Variants in RAPGEF3 observed in about 807,000 individuals in gnomAD.
RAPGEF3 encodes 9330170P05Rik.
In RAPGEF3, 103 loss-of-function variants were observed where a neutral mutation model predicts 129.8. The ratio of observed to expected loss-of-function variants is 0.79; its 90% CI spans 0.68 to 0.93. The LOEUF is 0.93. RAPGEF3 is among the 40% of genes least tolerant of loss of function. RAPGEF3 has a pLI of 0.00. For synonymous variants in RAPGEF3, 436 were observed against 482.6 expected (o/e 0.90, Z 1.26); for missense variants, 1,117 against 1,207.4 (o/e 0.93, Z 1.11).
intron 23 of RAPGEF3, 96 bp from the exon 24 acceptor site, chr12:47,739,326 G>A: frequency 2.1e-6 from 2 of 956,592 alleles, no homozygotes; most frequent in Non-Finnish European, 3.3e-6. Flanking sequence ...TCCCACAGCA[G>A]GTGCAGAGGC....
intron 1 of RAPGEF3, 53 bp downstream of exon 1, chr12:47,758,497 CT>C: frequency 1.3e-6 from 2 of 1,599,262 alleles, no homozygotes; most frequent in Non-Finnish European, 1.7e-6. Context: ...ACCGTGTCAG[CT>C]TCCTCTCCCG....
In RAPGEF3 at chr12:47,737,327, C is replaced by T; in HGVS notation, c.*240G>A. ...CTCTCCACCCACTCCTGGGGCCTCT[C>T]TGTCCTCCCTTCCTTGGCCTTGGGT... On this transcript the variant is annotated 3_prime_UTR_variant, in exon 28 of 28. Transcript: ENST00000449771. 1 of 539,914 alleles carries T rather than the reference C, an allele frequency of 1.9e-6. No individual in the cohort carries two copies. Among genetic ancestry groups the T allele is most frequent in the South Asian group, 2.1e-5 (1 of 47,446 alleles). The allele number at this position is 539,914 out of a possible 1,614,324, so 33.4% of individuals were successfully genotyped here. A position where few individuals can be genotyped will look rare whatever the true frequency, so the allele number is the denominator to read the frequency against.
Position 47,741,046 on chromosome 12 carries a change from G to A in RAPGEF3, c.1924-6C>T, listed in dbSNP as rs540239970. 1.9e-6 allele frequency: 3 copies of A among 1,612,020 alleles called. No individual in the cohort carries two copies. The highest frequency in any genetic ancestry group is 2.2e-5 in the South Asian group (2 of 90,734). On this transcript the variant is annotated splice_polypyrimidine_tract_variant and splice_region_variant and intron_variant, in intron 19 of 27. Transcript: ENST00000449771. ...AGCTGGTCAGGGTGTGGGATCTGCG[G>A]GTGGGAGAGTGCTCAGGGGGCTGCC...
chr12:47,749,711 G>A lies in RAPGEF3; in HGVS notation c.894+30C>T, dbSNP rs1283733554. ...GACCAGGGAGCAGTTAGGACCCAGG[G>A]CACTGGGGTGGGGAGGAGGGAGGGC... On this transcript the variant is annotated intron_variant, in intron 9 of 27. Coordinates refer to ENST00000449771, the MANE Select transcript of RAPGEF3 (RefSeq NM_001098531.4). The surrounding 1 kb of genome is among the most constrained non-coding windows in gnomAD (Gnocchi z 4.5). 1.2e-6 allele frequency: 2 copies of A among 1,612,578 alleles called. No individual in the cohort carries two copies. Among genetic ancestry groups the A allele is most frequent in the African/African-American group, 2.7e-5 (2 of 74,914 alleles).
At position 47,750,352 on chromosome 12, in the gene RAPGEF3, G is replaced by A; in HGVS notation, c.745C>T (p.Leu249Phe). Residue 249 changes from leucine to phenylalanine, a missense_variant, in exon 7 of 28, where the codon CTC becomes TTC. Physicochemically the swap from Leu to Phe is conservative, Grantham distance 22 (BLOSUM62 0). Around this residue, in one of 3 missense-constraint regions of RAPGEF3, gnomAD observed 367 missense variants for 373.4 expected, o/e 0.98. Coordinates refer to ENST00000449771, the MANE Select transcript of RAPGEF3 (RefSeq NM_001098531.4). Reference protein sequence around the residue: ...ELLHIKAVAHLSNSVKRELAA... With the variant: ...ELLHIKAVAHFSNSVKRELAA... ...GGGGCAGGACTGACCGAGTTGGAGA[G>A]GTGGGCCACAGCCTTGATGTGCAGC... The A allele has an allele frequency of 6.2e-7, 1 of 1,613,984 alleles. No individual in the cohort carries two copies. The highest frequency in any genetic ancestry group is 8.5e-7 in the Non-Finnish European group (1 of 1,179,868).
chr12:47,738,577 C>T, intron 25 of RAPGEF3, 113 bp downstream of exon 25: 2 of 970,376 alleles, frequency 2.1e-6, no homozygotes, highest in Non-Finnish European at 3.3e-6. Context: ...AAGTATTCAT[C>T]CTCATATTAT....
intron 2 of RAPGEF3, among the ~76,000 whole-genome samples, chr12:47,757,252 T>G (rs953118520): frequency 6.6e-6 from 1 of 152,272 alleles, no homozygotes; most frequent in Admixed American, 6.5e-5. Context: ...AATCCCACCA[T>G]TCTTTCCCCT....
Position 47,740,135 on chromosome 12 carries a change from A to C in RAPGEF3, c.2373+6T>G, listed in dbSNP as rs780637833. 6.2e-7 allele frequency: 1 copy of C among 1,611,742 alleles called. No individual in the cohort carries two copies. Among genetic ancestry groups the C allele is most frequent in the Admixed American group, 1.7e-5 (1 of 59,806 alleles). On this transcript the variant is annotated splice_donor_region_variant and intron_variant, in intron 23 of 27. Coordinates refer to ENST00000449771, the MANE Select transcript of RAPGEF3 (RefSeq NM_001098531.4). ...AGAGCCAGGCCGGGCAGGGTGGAGC[A>C]CTCACCAGCAGCCTCTCGAGGGCGG... is the stretch of plus-strand genomic sequence containing the variant.
At chr12:47,740,854 G>A (rs2136744303) in intron 20 of RAPGEF3, 31 bp from the exon 21 acceptor site, 2 of 1,613,530 alleles carry the variant, frequency 1.2e-6, no homozygotes, top group South Asian at 1.1e-5. Context: ...AGGTCAGCGA[G>A]TGCTGAGCCG....
chr12:47,737,739 CT>C, intron 27 of RAPGEF3, 54 bp from the exon 28 acceptor site: 1 of 1,513,588 alleles, frequency 6.6e-7, no homozygotes, highest in Admixed American at 1.7e-5. Flanking sequence ...GGAACCCAAC[CT>C]TTCCCCTCCA....
In RAPGEF3 at chr12:47,737,266, A is replaced by G. The variant is rs935932913; in HGVS notation, c.*301T>C. On this transcript the variant is annotated 3_prime_UTR_variant, in exon 28 of 28. Transcript: ENST00000449771. ...AATCTGGAAGACATCTGGTGTGGAG[A>G]CCTCTCTATTGCACACAACGTCCCA... The G allele has an allele frequency of 5.3e-6, 2 of 377,562 alleles. No homozygotes were observed. Among genetic ancestry groups the G allele is most frequent in the African/African-American group, 4.2e-5 (2 of 47,462 alleles). The allele number at this position is 377,562 out of a possible 1,614,324, so 23.4% of individuals were successfully genotyped here.
chr12:47,737,535 G>A lies in RAPGEF3; in HGVS notation c.*32C>T. 1 of 1,592,850 alleles carries A rather than the reference G, an allele frequency of 6.3e-7. No homozygotes were observed. Among genetic ancestry groups the A allele is most frequent in the South Asian group, 1.1e-5 (1 of 89,900 alleles). The stretch of plus-strand genomic sequence containing the variant: ...CACACCCTGGCTTTCCCGGCTGCAA[G>A]TGCCTGCTCCAGCTCCAGTCCCAGC... On this transcript the variant is annotated 3_prime_UTR_variant, in exon 28 of 28. Transcript: ENST00000449771.
rs1390357088 is a variant in RAPGEF3 at position 47,738,113 on chromosome 12, T to G, written c.2582-20A>C. The G allele has an allele frequency of 6.2e-7, 1 of 1,610,166 alleles. No homozygotes were observed. Among genetic ancestry groups the G allele is most frequent in the African/African-American group, 1.4e-5 (1 of 73,400 alleles). The stretch of plus-strand genomic sequence containing the variant: ...GAGGCACTGCGGGGGTGGGGAGGGG[T>G]CATGGAGTCAGGGCCACCCTGGAGC... On this transcript the variant is annotated intron_variant, in intron 26 of 27. Transcript: ENST00000449771.
At chr12:47,739,485 C>T in intron 23 of RAPGEF3, 4 of 677,860 alleles carry the variant, frequency 5.9e-6, no homozygotes, top group Non-Finnish European at 1.1e-5. Flanking sequence ...TCACTGTCAC[C>T]TCTCTGTCCC....
rs1236252519 is a variant in RAPGEF3, at chr12:47,751,768, C to G, written c.335G>C (p.Cys112Ser). 5 of 1,613,874 alleles carry G rather than the reference C, an allele frequency of 3.1e-6. No individual in the cohort carries two copies. Among genetic ancestry groups the G allele is most frequent in the Non-Finnish European group, 4.2e-6 (5 of 1,180,030 alleles). Residue 112 changes from cysteine (C) to serine (S), a missense_variant, in exon 4 of 28, where the codon TGC (cysteine) becomes TCC (serine). By Grantham distance (112) the Cys-to-Ser change is moderately radical. Around this residue, in one of 3 missense-constraint regions of RAPGEF3, gnomAD observed 367 missense variants for 373.4 expected, o/e 0.98. Transcript: ENST00000449771. ...RQLHRHLLATCPNLIRDRKYH... is the reference protein window; with the variant it reads ...RQLHRHLLATSPNLIRDRKYH... ...CTTCCGGTCTCGGATGAGGTTTGGG[C>G]AGGTGGCCAGCAGATGCCGATGCAG...
At chr12:47,754,763 T>C (rs1016819409) in intron 2 of RAPGEF3, among the ~76,000 whole-genome samples, 1 of 152,200 alleles carries the variant, frequency 6.6e-6, no homozygotes, top group African/African-American at 2.4e-5. Flanking sequence ...ATGCTAGTCA[T>C]GTCAGTTTCA....
In RAPGEF3 at chr12:47,758,608, G is replaced by A. The variant is rs554374455; in HGVS notation, c.-52C>T. 1.9e-6 allele frequency: 3 copies of A among 1,610,892 alleles called. No individual in the cohort carries two copies. Among genetic ancestry groups the A allele is most frequent in the Non-Finnish European group, 2.5e-6 (3 of 1,178,524 alleles). ...GCAGGCTCTAGCAAAAGGCTGGGGG[G>A]TCCCCAGCGACCCCCATCAGCTTTG... On this transcript the variant is annotated 5_prime_UTR_variant, in exon 1 of 28. Transcript: ENST00000449771.
At chr12:47,737,770 C>T (rs1031806703) in intron 27 of RAPGEF3, 85 bp from the exon 28 acceptor site, 19 of 1,299,978 alleles carry the variant, frequency 1.5e-5, no homozygotes, top group Non-Finnish European at 2.0e-5. Flanking sequence ...ATCACATCTG[C>T]CTTCTTGCCC....
intron 6 of RAPGEF3, 23 bp downstream of exon 6, chr12:47,751,025 G>A (rs769852852): frequency 1.7e-5 from 27 of 1,590,842 alleles, no homozygotes; most frequent in Non-Finnish European, 2.1e-5. Context: ...CTGGGGTCAC[G>A]GGGTGCAGGG....
Sources: gnomAD v4.1 joint callset for allele counts (sites outside exome capture counted in the v4.1 genomes callset) on GRCh38, gnomAD v4.1.1 for gene constraint, gnomAD v4.1.1 regional missense constraint, Gnocchi (gnomAD v3.1) non-coding constraint, MANE v1.5 for transcripts, NCBI Gene and HGNC (gene_info 2026-07-23, HGNC 2026-07-21) for gene names.